The following C10orf90 variants were observed in gnomAD, a reference collection of about 807,000 sequenced individuals.
C10orf90 encodes the protein chromosome 10 open reading frame 90, also known as (E2-independent) E3 ubiquitin-conjugating enzyme FATS.
C10orf90 carries 56 observed loss-of-function variants against 62.5 expected under a neutral mutation model. That is an observed-to-expected ratio of 0.90 (90% CI 0.72 to 1.12). The LOEUF (loss-of-function observed/expected upper bound fraction) is 1.12, where lower values mean the gene tolerates loss of function less well. Ranked by LOEUF, C10orf90 falls within the 50% of genes most tolerant of loss-of-function variation. C10orf90 has a pLI of 0.00. For synonymous variants in C10orf90, 386 were observed against 340.4 expected, an observed-to-expected ratio of 1.13 and a Z score of -1.47; for missense variants, 970 against 880.4, an observed-to-expected ratio of 1.10 and a Z score of -1.29.
intron 2 of C10orf90, among the ~76,000 whole-genome samples, chr10:126,624,151 G>C (rs934424753): frequency 3.9e-5 from 6 of 152,156 alleles, no homozygotes; most frequent in African/African-American, 1.4e-4. Context: ...TTTGAAACCA[G>C]CCTGGCCAAT....
At chr10:126,601,711 C>G (rs978202024) in intron 2 of C10orf90, among the ~76,000 whole-genome samples, 3 of 152,222 alleles carry the variant, frequency 2.0e-5, no homozygotes, top group African/African-American at 7.2e-5. Flanking sequence ...AGGTTCCTAC[C>G]ACACAAACTC....
chr10:126,642,273 T>A (rs2842167), intron 2 of C10orf90, among the ~76,000 whole-genome samples: 1 of 152,082 alleles, frequency 6.6e-6, no homozygotes, highest in Admixed American at 6.5e-5. Flanking sequence ...TGGCTCACGC[T>A]TGTAATCCCA....
intron 2 of C10orf90, among the ~76,000 whole-genome samples, chr10:126,643,513 C>T (rs559440828): frequency 1.3e-5 from 2 of 152,196 alleles, no homozygotes; most frequent in African/African-American, 4.8e-5. Context: ...CAGGATTGGG[C>T]CTCTGGAAGT....
chr10:126,509,272 A>G (rs1272581394), intron 3 of C10orf90, among the ~76,000 whole-genome samples: 1 of 152,212 alleles, frequency 6.6e-6, no homozygotes, highest in Non-Finnish European at 1.5e-5. Context: ...ATACTGACGA[A>G]TGCCCAGTTC....
At chr10:126,573,326 C>T (rs1844546554) in intron 2 of C10orf90, among the ~76,000 whole-genome samples, 1 of 152,194 alleles carries the variant, frequency 6.6e-6, no homozygotes, top group African/African-American at 2.4e-5. Flanking sequence ...GATAACATAA[C>T]CGATTAGGTC....
intron 4 of C10orf90, among the ~76,000 whole-genome samples, chr10:126,497,894 T>C (rs1298334257): frequency 6.6e-6 from 1 of 152,206 alleles, no homozygotes; most frequent in East Asian, 1.9e-4. Context: ...ATGCCTGCCA[T>C]AGGGCTGCTG....
intron 3 of C10orf90, chr10:126,512,016 G>A (rs1465832311): frequency 6.6e-6 from 1 of 151,636 alleles, no homozygotes; most frequent in East Asian, 1.9e-4. Context: ...AAGAGGCGGA[G>A]ACTTACGGCA....
intron 1 of C10orf90, among the ~76,000 whole-genome samples, chr10:126,654,392 G>A (rs1268319065): frequency 1.3e-5 from 2 of 152,192 alleles, no homozygotes; most frequent in African/African-American, 4.8e-5. Flanking sequence ...TGATGTTATA[G>A]AGACAGCTTA....
rs1844300970 is a variant in C10orf90, at chr10:126,565,028, TTATATAA to T, written c.314-51096_314-51090del. Among the ~76,000 whole-genome samples, 9 of 9,080 alleles carry T rather than the reference TTATATAA, an allele frequency of 9.9e-4. 1 individual carries two copies. Among genetic ancestry groups the T allele is most frequent in the Non-Finnish European group, 1.4e-3 (7 of 4,850 alleles). 6.0% of individuals were successfully genotyped at this position (9,080 alleles called of 152,430 possible). Reference sequence around the variant, plus strand: ...TAATATATATAATATATATTATATATTATATAAAATATATAATATATAATATATAAAA... The same window carrying T: ...TAATATATATAATATATATTATATATAATATATAATATATAATATATAAAA... On this transcript the variant is annotated intron_variant, in intron 2 of 9. Coordinates refer to ENST00000488181, the MANE Select transcript of C10orf90 (RefSeq NM_001350921.2).
chr10:126,562,095 GCCCAGAGGCCA>G (rs1368931442), intron 2 of C10orf90, among the ~76,000 whole-genome samples: 4 of 152,184 alleles, frequency 2.6e-5, no homozygotes, highest in African/African-American at 9.7e-5. Flanking sequence ...GCGACAGGCT[GCCCAGAGGCCA>G]CTGCAGGCCC....
chr10:126,586,226 C>T (rs1039139735), intron 2 of C10orf90, among the ~76,000 whole-genome samples: 2 of 152,178 alleles, frequency 1.3e-5, no homozygotes, highest in South Asian at 2.1e-4. Context: ...TCAGGTGGAA[C>T]AAGTAAGAGC....
At chr10:126,605,909 ATAC>A (rs1003062051) in intron 2 of C10orf90, among the ~76,000 whole-genome samples, 9 of 152,142 alleles carry the variant, frequency 5.9e-5, no homozygotes, top group Admixed American at 5.2e-4. Flanking sequence ...ACATACATAC[ATAC>A]ATTTGATTGC....
intron 2 of C10orf90, among the ~76,000 whole-genome samples, chr10:126,595,002 T>A (rs1845056658): frequency 6.6e-6 from 1 of 152,192 alleles, no homozygotes; most frequent in African/African-American, 2.4e-5. Context: ...ACCACTCTAC[T>A]TTAAAAGGTT....
intron 4 of C10orf90, among the ~76,000 whole-genome samples, chr10:126,480,991 G>A (rs574037767): frequency 6.8e-6 from 1 of 148,070 alleles, no homozygotes; most frequent in African/African-American, 2.5e-5. Context: ...ATGAGCCCAG[G>A]TGTCCCCTCT....
chr10:126,426,215 T>C, intron 8 of C10orf90, 125 bp from the exon 9 acceptor site: 2 of 771,286 alleles, frequency 2.6e-6, no homozygotes, highest in Non-Finnish European at 4.3e-6. Context: ...ATGGGCTAGC[T>C]CACAACTGTA....
intron 3 of C10orf90, among the ~76,000 whole-genome samples, chr10:126,512,374 GTGTGTGTGTGTC>G (rs1289399399): frequency 0.047 from 2,834 of 59,792 alleles, 83 homozygotes; most frequent in African/African-American, 0.16. Flanking sequence ...ATGTGTGTCT[GTGTGTGTGTGTC>G]TGTGTGTGTG....
intron 7 of C10orf90, among the ~76,000 whole-genome samples, chr10:126,432,064 T>C (rs1361499817): frequency 6.6e-6 from 1 of 152,226 alleles, no homozygotes; most frequent in Non-Finnish European, 1.5e-5. Flanking sequence ...GCAGGTTGAT[T>C]GCTTCTGACT....
At chr10:126,663,374 CAGA>C (rs146527172) in intron 1 of C10orf90, among the ~76,000 whole-genome samples, 3,499 of 152,250 alleles carry the variant, frequency 0.023, 115 homozygotes, top group African/African-American at 0.078. Flanking sequence ...GTATAATCTG[CAGA>C]AGAAGACGTA....
intron 2 of C10orf90, among the ~76,000 whole-genome samples, chr10:126,534,729 G>T (rs1016798032): frequency 3.3e-5 from 5 of 151,880 alleles, no homozygotes; most frequent in Non-Finnish European, 4.4e-5. Context: ...CTGGGTTTGT[G>T]TGTTTCTTCT....
Sources: gnomAD v4.1 joint callset for allele counts (sites outside exome capture counted in the v4.1 genomes callset) on GRCh38, gnomAD v4.1.1 for gene constraint, MANE v1.5 for transcripts, NCBI Gene and HGNC (gene_info 2026-07-23, HGNC 2026-07-21) for gene names.